The following LRRC4C variants were observed in gnomAD, a reference collection of about 807,000 sequenced individuals.
The protein encoded by LRRC4C is leucine-rich repeat-containing protein 4C.
In LRRC4C, 5 loss-of-function variants were observed where a neutral mutation model predicts 33.6. The observed-to-expected ratio is 0.15, with a 90% CI of 0.08 to 0.31. The LOEUF (loss-of-function observed/expected upper bound fraction) is 0.31, where lower values mean the gene tolerates loss of function less well. Ranked by LOEUF, LRRC4C falls within the 10% of genes least tolerant of loss-of-function variation. The pLI is 1.00. For synonymous variants in LRRC4C, 329 were observed against 302.0 expected, an observed-to-expected ratio of 1.09 and a Z score of -0.93; for missense variants, 560 against 796.7, an observed-to-expected ratio of 0.70 and a Z score of 3.58.
intron 1 of LRRC4C, among the ~76,000 whole-genome samples, chr11:41,376,692 T>C (rs1952947253): frequency 6.6e-6 from 1 of 152,190 alleles, no homozygotes; most frequent in African/African-American, 2.4e-5. Flanking sequence ...GAAATATTTA[T>C]GTGTGTATTT....
At chr11:41,323,587 A>T (rs1381271153) in intron 1 of LRRC4C, among the ~76,000 whole-genome samples, 5 of 152,156 alleles carry the variant, frequency 3.3e-5, no homozygotes, top group African/African-American at 1.2e-4. Context: ...GGAAAATAGG[A>T]TTTGCCGAAT....
At chr11:41,319,243 G>C (rs920643153) in intron 1 of LRRC4C, among the ~76,000 whole-genome samples, 2 of 152,074 alleles carry the variant, frequency 1.3e-5, no homozygotes, top group East Asian at 3.9e-4. Context: ...CATTTCTGTC[G>C]AGAAAACATA....
intron 2 of LRRC4C, among the ~76,000 whole-genome samples, chr11:40,653,387 G>A (rs1022142865): frequency 2.0e-5 from 3 of 152,142 alleles, no homozygotes; most frequent in Non-Finnish European, 2.9e-5. Flanking sequence ...TGGAGATGAG[G>A]AACTTGTTGG....
chr11:40,277,051 C>CA (rs1488387759), intron 4 of LRRC4C, among the ~76,000 whole-genome samples: 1 of 152,010 alleles, frequency 6.6e-6, no homozygotes, highest in Non-Finnish European at 1.5e-5. Flanking sequence ...GGAAAAGGTC[C>CA]AATTTCCTGT....
intron 1 of LRRC4C, among the ~76,000 whole-genome samples, chr11:41,135,371 A>G (rs751251073): frequency 1.3e-5 from 2 of 152,158 alleles, no homozygotes; most frequent in African/African-American, 4.8e-5. Flanking sequence ...GAGAGAGGGT[A>G]GAGTTAAAAA....
chr11:40,309,266 A>G (rs1451781129), intron 4 of LRRC4C, among the ~76,000 whole-genome samples: 1 of 152,170 alleles, frequency 6.6e-6, no homozygotes, highest in East Asian at 1.9e-4. Flanking sequence ...ATATATCCAT[A>G]TCATATTCAT....
At chr11:40,218,109 CT>C (rs990964096) in intron 5 of LRRC4C, among the ~76,000 whole-genome samples, 7 of 152,196 alleles carry the variant, frequency 4.6e-5, no homozygotes, top group Admixed American at 2.6e-4. Context: ...CAAGATAGAT[CT>C]GAATACTTAA....
intron 3 of LRRC4C, among the ~76,000 whole-genome samples, chr11:40,350,789 C>A (rs1440370113): frequency 1.3e-5 from 2 of 151,840 alleles, no homozygotes; most frequent in Non-Finnish European, 2.9e-5. Context: ...TTTTACAGTT[C>A]TCATTGTAGA....
intron 2 of LRRC4C, among the ~76,000 whole-genome samples, chr11:40,874,738 T>G (rs564064270): frequency 1.3e-5 from 2 of 152,304 alleles, no homozygotes; most frequent in East Asian, 3.9e-4. Flanking sequence ...CTATAGAGAT[T>G]CGGGTTCACT....
chr11:41,384,526 T>C (rs933189831), intron 1 of LRRC4C, among the ~76,000 whole-genome samples: 3 of 151,616 alleles, frequency 2.0e-5, no homozygotes, highest in African/African-American at 7.2e-5. Flanking sequence ...AACAAGTTTG[T>C]CATTTCTCAA....
chr11:40,315,567 A>T (rs981589663), intron 4 of LRRC4C, among the ~76,000 whole-genome samples: 1 of 151,978 alleles, frequency 6.6e-6, no homozygotes, highest in Non-Finnish European at 1.5e-5. Flanking sequence ...GAGCAGCAGC[A>T]TTGTGAAACA....
At chr11:40,626,108 C>A (rs1025867744) in intron 3 of LRRC4C, among the ~76,000 whole-genome samples, 3 of 152,160 alleles carry the variant, frequency 2.0e-5, no homozygotes, top group African/African-American at 7.2e-5. Flanking sequence ...CCCATATTTT[C>A]TCTGAACTCA....
At chr11:40,504,365 G>A (rs1954928980) in intron 3 of LRRC4C, among the ~76,000 whole-genome samples, 2 of 152,082 alleles carry the variant, frequency 1.3e-5, no homozygotes, top group African/African-American at 4.8e-5. Context: ...TAAGAGGGAT[G>A]CCATGGAGGA....
At chr11:40,755,965 A>C (rs1195680081) in intron 2 of LRRC4C, among the ~76,000 whole-genome samples, 2 of 152,068 alleles carry the variant, frequency 1.3e-5, no homozygotes, top group Non-Finnish European at 2.9e-5. Flanking sequence ...TTAAGTTAAA[A>C]TGAAGCCATT....
intron 3 of LRRC4C, among the ~76,000 whole-genome samples, chr11:40,420,941 C>T (rs754875852): frequency 6.6e-5 from 10 of 152,214 alleles, no homozygotes; most frequent in Non-Finnish European, 1.2e-4. Context: ...TGGCTATCAT[C>T]ATTGTCACCC....
chr11:41,005,355 G>A (rs146055935), intron 1 of LRRC4C, among the ~76,000 whole-genome samples: 1,859 of 152,260 alleles, frequency 0.012, 126 homozygotes, highest in Admixed American at 0.11. Flanking sequence ...TATAATCCCA[G>A]CACTTTGGGA....
chr11:41,060,633 C>G (rs1046818143), intron 1 of LRRC4C, among the ~76,000 whole-genome samples: 1 of 152,110 alleles, frequency 6.6e-6, no homozygotes, highest in South Asian at 2.1e-4. Context: ...TTGCTTAGAG[C>G]CCCCATCTCC....
At chr11:40,605,353 A>T (rs965997263) in intron 3 of LRRC4C, among the ~76,000 whole-genome samples, 1 of 152,170 alleles carries the variant, frequency 6.6e-6, no homozygotes, top group African/African-American at 2.4e-5. Flanking sequence ...AGGGAGATTG[A>T]TGTCAGTGGG....
chr11:40,488,554 T>G (rs768041230), intron 3 of LRRC4C, among the ~76,000 whole-genome samples: 4 of 152,178 alleles, frequency 2.6e-5, no homozygotes, highest in Non-Finnish European at 4.4e-5. Context: ...GGTCCTTGTC[T>G]AGTATTTTAT....
Sources: allele counts gnomAD v4.1 joint callset (sites outside exome capture counted in the v4.1 genomes callset), GRCh38; gene constraint gnomAD v4.1.1; transcripts MANE v1.5; gene names NCBI Gene and HGNC (gene_info 2026-07-23, HGNC 2026-07-21).